The following INTS9 variants were observed in gnomAD, a reference collection of about 807,000 sequenced individuals.
The protein encoded by INTS9 is integrator complex subunit 9.
INTS9 carries 55 observed loss-of-function variants against 79.7 expected under a neutral mutation model. The observed-to-expected ratio is 0.69, with a 90% CI of 0.56 to 0.86. The LOEUF (loss-of-function observed/expected upper bound fraction) is 0.86. INTS9 is among the 40% of genes least tolerant of loss of function. The pLI is 0.00. For synonymous variants in INTS9, 319 were observed against 325.2 expected, an observed-to-expected ratio of 0.98 and a Z score of 0.20; for missense variants, 721 against 831.5, an observed-to-expected ratio of 0.87 and a Z score of 1.64.
chr8:28,835,576 C>T (rs991789046), intron 5 of INTS9, among the ~76,000 whole-genome samples, 198 bp from the exon 6 acceptor site: 1 of 152,164 alleles, frequency 6.6e-6, no homozygotes, highest in Admixed American at 6.5e-5. Context: ...TATTGCATTT[C>T]CATGCTAAAA....
intron 1 of INTS9, among the ~76,000 whole-genome samples, chr8:28,874,107 T>C (rs991937785): frequency 6.6e-6 from 1 of 152,206 alleles, no homozygotes; most frequent in Non-Finnish European, 1.5e-5. Flanking sequence ...CTAATTCTTC[T>C]TGTTTTGATT....
chr8:28,791,666 C>T (rs1278717092), intron 10 of INTS9, among the ~76,000 whole-genome samples: 3 of 152,224 alleles, frequency 2.0e-5, no homozygotes, highest in East Asian at 1.9e-4. Flanking sequence ...AGATTACTTC[C>T]GAGTGGTAAG....
intron 4 of INTS9, among the ~76,000 whole-genome samples, chr8:28,844,273 G>A (rs1461876359): frequency 2.6e-5 from 4 of 152,188 alleles, no homozygotes; most frequent in African/African-American, 9.7e-5. Context: ...AGCTGGGCGC[G>A]GTGGTTCAAA....
At chr8:28,790,360 T>G (rs1229359798) in intron 10 of INTS9, among the ~76,000 whole-genome samples, 1 of 152,118 alleles carries the variant, frequency 6.6e-6, no homozygotes, top group African/African-American at 2.4e-5. Context: ...AAAGGGTGCC[T>G]TACAGCAAGG....
intron 2 of INTS9, among the ~76,000 whole-genome samples, chr8:28,853,012 T>C (rs1807931743): frequency 6.6e-6 from 1 of 152,078 alleles, no homozygotes; most frequent in African/African-American, 2.4e-5. Context: ...CCATAAAGAG[T>C]AAATTTTAAG....
intron 16 of INTS9, among the ~76,000 whole-genome samples, chr8:28,769,003 T>G (rs1802371909): frequency 6.6e-6 from 1 of 152,182 alleles, no homozygotes; most frequent in Non-Finnish European, 1.5e-5. Context: ...GGTCCTCATC[T>G]TAAGTTTTTA....
At chr8:28,831,856 G>A (rs1806509118) in intron 6 of INTS9, among the ~76,000 whole-genome samples, 1 of 151,974 alleles carries the variant, frequency 6.6e-6, no homozygotes, top group Admixed American at 6.6e-5. Context: ...CCACCACTAC[G>A]CCTGGCTAAT....
intron 6 of INTS9, among the ~76,000 whole-genome samples, chr8:28,814,275 C>T (rs950114887): frequency 7.2e-6 from 1 of 138,856 alleles, no homozygotes; most frequent in Non-Finnish European, 1.5e-5. Flanking sequence ...CAACACTGAA[C>T]AGGGCTTCTC....
At chr8:28,804,452 G>C (rs1585382501) in intron 8 of INTS9, among the ~76,000 whole-genome samples, 1 of 152,070 alleles carries the variant, frequency 6.6e-6, no homozygotes, top group Non-Finnish European at 1.5e-5. Flanking sequence ...GATTGTGGAA[G>C]GTTCAATACC....
intron 1 of INTS9, among the ~76,000 whole-genome samples, chr8:28,865,054 GA>G (rs897278057): frequency 2.7e-5 from 4 of 148,342 alleles, no homozygotes; most frequent in Non-Finnish European, 6.0e-5. Context: ...CAGAGAATCA[GA>G]AGAAAAAATA....
intron 5 of INTS9, 24 bp from the exon 6 acceptor site, chr8:28,835,402 G>C: frequency 3.8e-6 from 6 of 1,579,192 alleles, no homozygotes; most frequent in South Asian, 2.2e-5. Context: ...AAACAAGTGA[G>C]GAACACCCAT....
At chr8:28,792,091 C>T (rs1478151857) in intron 10 of INTS9, among the ~76,000 whole-genome samples, 1 of 152,136 alleles carries the variant, frequency 6.6e-6, no homozygotes, top group East Asian at 1.9e-4. Flanking sequence ...AATATATTAG[C>T]ATCATGTTGG....
chr8:28,873,222 C>T (rs1809189691), intron 1 of INTS9, among the ~76,000 whole-genome samples: 1 of 152,146 alleles, frequency 6.6e-6, no homozygotes, highest in Non-Finnish European at 1.5e-5. Flanking sequence ...TCTCAGCAGC[C>T]TGCCAGGCAC....
chr8:28,814,330 ACACACT>A (rs1177116622), intron 6 of INTS9, among the ~76,000 whole-genome samples: 6 of 126,802 alleles, frequency 4.7e-5, no homozygotes, highest in Non-Finnish European at 8.9e-5. Context: ...ACACACACAC[ACACACT>A]CTCACACACA....
rs1044820262 is a variant in INTS9 at position 28,809,735 on chromosome 8, A to G, written c.744+2592T>C. On this transcript the variant is annotated intron_variant, in intron 8 of 16. Transcript: ENST00000521022. Reference sequence around the variant, plus strand: ...GAACGATAGAAGCTGCCAATAAAAAATTTTGATTCAATGAAGCAGATGATG... The same window carrying G: ...GAACGATAGAAGCTGCCAATAAAAAGTTTTGATTCAATGAAGCAGATGATG... 3.3e-5 allele frequency among the ~76,000 whole-genome samples: 5 copies of G among 152,202 alleles called. No individual in the cohort carries two copies. The East Asian group carries it at 7.7e-4, about 23-fold the overall frequency.
intron 2 of INTS9, among the ~76,000 whole-genome samples, chr8:28,853,810 C>T (rs145709599): frequency 1.1e-4 from 17 of 152,152 alleles, no homozygotes; most frequent in African/African-American, 4.1e-4. Context: ...GTCCCACCTC[C>T]TGGGTTTGCA....
chr8:28,800,436 G>C (rs1040175741), intron 8 of INTS9, among the ~76,000 whole-genome samples: 3 of 152,136 alleles, frequency 2.0e-5, no homozygotes, highest in African/African-American at 7.2e-5. Context: ...TTGGTAAAGG[G>C]CCAAAAAGGT....
At chr8:28,859,372 A>C (rs910647840) in intron 2 of INTS9, 64 bp downstream of exon 2, 19 of 1,579,562 alleles carry the variant, frequency 1.2e-5, no homozygotes, top group Non-Finnish European at 1.5e-5. Context: ...TAACCTTCAT[A>C]CTAATGGTAC....
rs557156752 is a variant in INTS9 at position 28,848,304 on chromosome 8, T to C, written c.199-1495A>G. Among the ~76,000 whole-genome samples the C allele has an allele frequency of 2.0e-5, 3 of 152,370 alleles. No individual in the cohort carries two copies. The East Asian group carries it at 5.8e-4, about 29-fold the overall frequency. ...AACATATATTGTACATATCCATATA[T>C]ACATGTATCTATATTTACACATCAG... On this transcript the variant is annotated intron_variant, in intron 3 of 16. Coordinates refer to ENST00000521022, the MANE Select transcript of INTS9 (RefSeq NM_018250.4).
Sources: allele counts gnomAD v4.1 joint callset (sites outside exome capture counted in the v4.1 genomes callset), GRCh38; gene constraint gnomAD v4.1.1; transcripts MANE v1.5; gene names NCBI Gene and HGNC (gene_info 2026-07-23, HGNC 2026-07-21).